The following SEC14L3 variants were observed in gnomAD, a reference collection of about 807,000 sequenced individuals.
The protein encoded by SEC14L3 is SEC14-like protein 3.
A neutral mutation model predicts 57.4 loss-of-function variants in SEC14L3; 56 were observed. The observed-to-expected ratio is 0.97, with a 90% CI of 0.79 to 1.22. SEC14L3 has a LOEUF of 1.22. SEC14L3 is among the 50% of genes most tolerant of loss of function. SEC14L3 has a pLI of 0.00. For missense variants in SEC14L3, 485 were observed against 511.7 expected (o/e 0.95, Z 0.50); for synonymous variants, 173 against 194.4 (o/e 0.89, Z 0.92).
downstream of SEC14L3, among the ~76,000 whole-genome samples, chr22:30,454,860 T>A (rs1350958396): frequency 6.4e-5 from 3 of 46,684 alleles, no homozygotes; most frequent in African/African-American, 1.4e-4. Context: ...ATTATATTAT[T>A]ATATAATACA....
intron 12 of SEC14L3, among the ~76,000 whole-genome samples, chr22:30,450,617 TACA>T (rs1027530546): frequency 6.6e-6 from 1 of 152,196 alleles, no homozygotes; most frequent in African/African-American, 2.4e-5. Context: ...ATCCTATTTT[TACA>T]ACATCTCCTC....
rs74626729 is a variant in SEC14L3 at position 30,461,252 on chromosome 22, A to G, written c.1081+58T>C. On this transcript the variant is annotated intron_variant, in intron 11 of 11. Transcript: ENST00000215812. Reference sequence around the variant, plus strand: ...ACTGCCCCTCTGTTTCCTTCTCTAAAGCATGGGACAGGTGGCTCTAGCCTT... The same window carrying G: ...ACTGCCCCTCTGTTTCCTTCTCTAAGGCATGGGACAGGTGGCTCTAGCCTT... 3,985 of 1,523,040 alleles carry G rather than the reference A, an allele frequency of 2.6e-3. 79 individuals are homozygous for G. In the African/African-American group the frequency reaches 0.047, roughly 18 times the overall value. The allele number at this position is 1,523,040 out of a possible 1,614,324, so 94.3% of individuals were successfully genotyped here.
rs1935247977 is a variant in SEC14L3 at position 30,461,299 on chromosome 22, G to T, written c.1081+11C>A. On this transcript the variant is annotated intron_variant, in intron 11 of 11. Coordinates refer to ENST00000215812, the MANE Select transcript of SEC14L3 (RefSeq NM_174975.5). ...CCTTTCAGAGCCAGGTCCCAGCTGG[G>T]GCAGACTTACAGACGCCGGCCTCTG... 14 of 1,568,030 alleles carry T rather than the reference G, an allele frequency of 8.9e-6. No homozygotes were observed. Among genetic ancestry groups the T allele is most frequent in the Non-Finnish European group, 1.2e-5 (14 of 1,156,890 alleles).
chr22:30,456,345 A>G (rs190012201), downstream of SEC14L3, among the ~76,000 whole-genome samples: 212 of 151,328 alleles, frequency 1.4e-3, 1 homozygote, highest in Non-Finnish European at 1.5e-3. Context: ...AAAAAGGAAT[A>G]TTGGAAGCTG....
At chr22:30,450,566 G>A (rs1211993429) in intron 12 of SEC14L3, among the ~76,000 whole-genome samples, 2 of 152,278 alleles carry the variant, frequency 1.3e-5, no homozygotes, top group Non-Finnish European at 2.9e-5. Context: ...GCCTTCCAAA[G>A]TGCTGGGATT....
In SEC14L3 at chr22:30,448,903, C is replaced by A. The variant is rs978664290; in HGVS notation, c.*184G>T. The A allele has an allele frequency of 8.4e-6, 5 of 594,448 alleles. No homozygotes were observed. In the Admixed American group the frequency reaches 9.0e-5, roughly 11 times the overall value. 36.8% of individuals were successfully genotyped at this position (594,448 alleles called of 1,614,324 possible). ...CAAAGCCCTGTCTCTAAAAAACAAA[C>A]AAACAAACCTCCAAAACTTCTTTCC... On this transcript the variant is annotated 3_prime_UTR_variant, in exon 13 of 13. Transcript: ENST00000403066.
Position 30,471,984 on chromosome 22 carries a change from G to T in SEC14L3, c.-26C>A. ...GGTGCTGGCTGGGGCTTGAGGAGTGGTGGCCACTATAGGCAAGAGGCCAAG... is the reference window on the plus strand; with the variant it reads ...GGTGCTGGCTGGGGCTTGAGGAGTGTTGGCCACTATAGGCAAGAGGCCAAG... On this transcript the variant is annotated 5_prime_UTR_variant, in exon 1 of 12. Transcript: ENST00000215812. 6.3e-7 allele frequency: 1 copy of T among 1,586,390 alleles called. No homozygotes were observed. Among genetic ancestry groups the T allele is most frequent in the South Asian group, 1.1e-5 (1 of 87,760 alleles).
At chr22:30,465,677 C>T (rs115519876) in intron 7 of SEC14L3, among the ~76,000 whole-genome samples, 2 of 152,298 alleles carry the variant, frequency 1.3e-5, no homozygotes, top group African/African-American at 4.8e-5. Context: ...GCCAACCAGC[C>T]ACTCAATCAG....
chr22:30,462,142 C>G lies in SEC14L3; in HGVS notation c.715G>C (p.Ala239Pro). ...TCAGTCAGGGTGCCCCCAAACTGGG[C>G]AGGCAGTTCCTCAGGACTGATGAGT... ...LKLISPEELP[A>P]QFGGTLTDPD... The change falls in exon 9 of 12, where the codon GCC becomes CCC. Residue 239 changes from alanine to proline, a missense_variant. By Grantham distance (27) the Ala-to-Pro change is conservative. Transcript: ENST00000215812. 6.2e-7 allele frequency: 1 copy of G among 1,614,182 alleles called. No homozygotes were observed.
rs1181872024 is a variant in SEC14L3 at position 30,459,657 on chromosome 22, T to A, written c.*364A>T. The A allele has an allele frequency of 9.9e-6, 10 of 1,011,814 alleles. No individual in the cohort carries two copies. The highest frequency in any genetic ancestry group is 1.7e-5 in the African/African-American group (1 of 58,652). 62.7% of individuals were successfully genotyped at this position (1,011,814 alleles called of 1,614,324 possible). A position where few individuals can be genotyped will look rare whatever the true frequency, so the allele number is the denominator to read the frequency against. On this transcript the variant is annotated 3_prime_UTR_variant, in exon 12 of 12. Transcript: ENST00000215812. The stretch of plus-strand genomic sequence containing the variant: ...AGTGGAAGTAAAAAGGATTTAGATA[T>A]GTCTCCAACCCAAGTTGCTCACAGC...
downstream of SEC14L3, among the ~76,000 whole-genome samples, chr22:30,456,374 G>C (rs180848709): frequency 6.7e-6 from 1 of 150,206 alleles, no homozygotes; most frequent in East Asian, 2.0e-4. Context: ...ACAAAGAAAA[G>C]AGGTTTACTT....
chr22:30,460,661 C>G (rs1012507224), intron 11 of SEC14L3, among the ~76,000 whole-genome samples: 1 of 141,876 alleles, frequency 7.0e-6, no homozygotes, highest in African/African-American at 2.7e-5. Context: ...TGGAGAAACC[C>G]CATCTCTACT....
At chr22:30,453,917 T>G (rs1169728365) in intron 12 of SEC14L3, among the ~76,000 whole-genome samples, 2 of 152,142 alleles carry the variant, frequency 1.3e-5, no homozygotes, top group African/African-American at 4.8e-5. Context: ...TAAAGGTAGG[T>G]GCAGGGTCTA....
intron 1 of SEC14L3, chr22:30,471,059 T>C (rs9619110): frequency 0.21 from 64,626 of 315,074 alleles, 6,920 homozygotes; most frequent in East Asian, 0.32. Context: ...CTGAGGTTGG[T>C]GGATCACCTG....
chr22:30,449,314 G>T, intron 12 of SEC14L3: 3 of 1,538,108 alleles, frequency 2.0e-6, no homozygotes, highest in Non-Finnish European at 2.6e-6. Flanking sequence ...ACTCCAGAGG[G>T]TCACCAATAC....
downstream of SEC14L3, among the ~76,000 whole-genome samples, chr22:30,458,334 T>C (rs1266615017): frequency 6.6e-6 from 1 of 152,242 alleles, no homozygotes; most frequent in Non-Finnish European, 1.5e-5. Context: ...GACAGGATGC[T>C]GAGCTGAGGA....
At chr22:30,460,329 C>T (rs1935213863) in intron 11 of SEC14L3, 187 bp from the exon 12 acceptor site, 5 of 946,000 alleles carry the variant, frequency 5.3e-6, no homozygotes, top group Non-Finnish European at 6.3e-6. Context: ...TAAACAGACA[C>T]CAACCTCCTC....
At chr22:30,469,878 T>G in intron 4 of SEC14L3, 141 bp downstream of exon 4, 1 of 643,106 alleles carries the variant, frequency 1.6e-6, no homozygotes, top group Non-Finnish European at 2.7e-6. Context: ...CCAGGAAACA[T>G]TCATTATGAC....
At position 30,461,323 on chromosome 22, in the gene SEC14L3, T is replaced by C; in HGVS notation, c.1068A>G (p.Ser356=). The C allele has an allele frequency of 6.3e-7, 1 of 1,596,828 alleles. No homozygotes were observed. Among genetic ancestry groups the C allele is most frequent in the East Asian group, 2.2e-5 (1 of 44,714 alleles). ...GGGCAGACTTACAGACGCCGGCCTC[T>C]GAGCAGGTGAGGTTCCCATCCTCGG... ...MVPEDGNLTC[S]EAGVYVLRFD... is the part of the protein sequence containing the mutation. Residue 356 remains serine (S), a synonymous_variant, in exon 11 of 12, where the codon TCA becomes TCG. Transcript: ENST00000215812.
Sources: allele counts gnomAD v4.1 joint callset (sites outside exome capture counted in the v4.1 genomes callset), GRCh38; gene constraint gnomAD v4.1.1; transcripts MANE v1.5; gene names NCBI Gene and HGNC (gene_info 2026-07-23, HGNC 2026-07-21).